The following TPRX1 variants were observed in gnomAD, a reference collection of about 807,000 sequenced individuals.
The protein encoded by TPRX1 is tetrapeptide repeat homeobox 1.
A neutral mutation model predicts 8.1 loss-of-function variants in TPRX1; 2 were observed. That is an observed-to-expected ratio of 0.25 (90% CI 0.10 to 0.78). The LOEUF (loss-of-function observed/expected upper bound fraction) is 0.78, where lower values mean the gene tolerates loss of function less well. TPRX1 is among the 30% of genes least tolerant of loss of function. The pLI is 0.70. For synonymous variants in TPRX1, 257 were observed against 254.1 expected (o/e 1.01, Z -0.11); for missense variants, 517 against 586.9 (o/e 0.88, Z 1.23).
intron 2 of TPRX1, among the ~76,000 whole-genome samples, chr19:47,806,842 A>T (rs1287684232): frequency 1.3e-5 from 2 of 152,156 alleles, no homozygotes; most frequent in Non-Finnish European, 2.9e-5. Flanking sequence ...GGGACGGTGA[A>T]AAATGTTCTA....
exon 4 of TPRX1, chr19:47,802,251 G>A (rs777806509): frequency 1.3e-6 from 2 of 1,597,682 alleles, no homozygotes; most frequent in Admixed American, 3.5e-5. Flanking sequence ...CCTGGGATTG[G>A]GCCTGGGATC....
At chr19:47,810,076 G>A (rs1015608944) in intron 2 of TPRX1, among the ~76,000 whole-genome samples, 1 of 151,436 alleles carries the variant, frequency 6.6e-6, no homozygotes, top group African/African-American at 2.4e-5. Flanking sequence ...CCAACATGGC[G>A]AAACCCTGTC....
intron 2 of TPRX1, among the ~76,000 whole-genome samples, chr19:47,806,637 T>C (rs1453025401): frequency 1.3e-5 from 2 of 152,336 alleles, no homozygotes; most frequent in East Asian, 3.9e-4. Context: ...TGATACGTGC[T>C]ACAACATGGA....
At chr19:47,818,508 C>T (rs772447127) in exon 2 of TPRX1, 1 of 456,094 alleles carries the variant, frequency 2.2e-6, no homozygotes, top group South Asian at 1.5e-5. Flanking sequence ...GGGAATACAG[C>T]TGAGAACAAG....
At chr19:47,809,465 T>G (rs1967763202) in intron 2 of TPRX1, among the ~76,000 whole-genome samples, 1 of 152,026 alleles carries the variant, frequency 6.6e-6, no homozygotes, top group Non-Finnish European at 1.5e-5. Context: ...GTATTTTTTG[T>G]AGAGACGGGG....
chr19:47,805,908 G>A (rs990685175), intron 2 of TPRX1, among the ~76,000 whole-genome samples: 5 of 152,182 alleles, frequency 3.3e-5, no homozygotes, highest in Admixed American at 6.6e-5. Context: ...TGAAAACATC[G>A]ATCCACTGAT....
Position 47,811,496 on chromosome 19 carries a change from C to CTT in TPRX1, c.151+6970_151+6971dup, listed in dbSNP as rs34677329. 5.6e-3 allele frequency among the ~76,000 whole-genome samples: 661 copies of CTT among 118,468 alleles called. 15 individuals carry two copies. The highest frequency in any genetic ancestry group is 0.016 in the African/African-American group (498 of 31,280). 77.7% of individuals were successfully genotyped at this position (118,468 alleles called of 152,430 possible). ...TTGGCTGAGACCATGTTCATGGCAA[C>CTT]TTTTTTTTTTTTTTTTTTTTGAGAC... is the stretch of plus-strand genomic sequence containing the variant. On this transcript the variant is annotated intron_variant, in intron 2 of 3. Transcript: ENST00000535759.
rs192890165 is a variant in TPRX1 at position 47,804,502 on chromosome 19, T to C, written c.152-829A>G. On this transcript the variant is annotated intron_variant, in intron 2 of 3. Coordinates refer to ENST00000535759, the Ensembl canonical transcript of TPRX1. ...GATCAGCCCAGACCCCTCACACCTC[T>C]GTCCCCGCTCACCTTGGAGATGACC... Among the ~76,000 whole-genome samples, 8 of 152,342 alleles carry C rather than the reference T, an allele frequency of 5.3e-5. No homozygotes were observed. The highest frequency in any genetic ancestry group is 1.9e-4 in the African/African-American group (8 of 41,592).
intron 2 of TPRX1, among the ~76,000 whole-genome samples, chr19:47,808,510 G>T (rs1457009794): frequency 6.6e-6 from 1 of 151,726 alleles, no homozygotes; most frequent in Non-Finnish European, 1.5e-5. Context: ...GCAGATATCG[G>T]CTCACTGCAA....
At chr19:47,815,400 A>T (rs1283997332) in intron 2 of TPRX1, among the ~76,000 whole-genome samples, 2 of 137,464 alleles carry the variant, frequency 1.5e-5, no homozygotes, top group African/African-American at 5.3e-5. Flanking sequence ...TGATCCACCC[A>T]CCTTGGCCTC....
exon 4 of TPRX1, chr19:47,802,751 C>T: frequency 6.2e-7 from 1 of 1,605,394 alleles, no homozygotes; most frequent in Non-Finnish European, 8.5e-7. Flanking sequence ...AGCTGGGATG[C>T]CCTTCTGGGC....
intron 2 of TPRX1, among the ~76,000 whole-genome samples, chr19:47,814,188 T>C (rs1275780869): frequency 2.0e-5 from 3 of 151,628 alleles, no homozygotes; most frequent in Non-Finnish European, 4.4e-5. Flanking sequence ...TCCCAATAGC[T>C]GGGAATACAG....
chr19:47,802,804 C>G (rs760804536), exon 4 of TPRX1: 21 of 1,601,230 alleles, frequency 1.3e-5, no homozygotes, highest in Non-Finnish European at 1.7e-5. Context: ...GGCTGCAGAT[C>G]GTGGGTTCCG....
At chr19:47,806,257 G>T (rs576032288) in intron 2 of TPRX1, among the ~76,000 whole-genome samples, 1 of 151,468 alleles carries the variant, frequency 6.6e-6, no homozygotes, top group African/African-American at 2.4e-5. Context: ...GGTGGCTCAC[G>T]CCTGTAATCC....
At chr19:47,804,574 T>C (rs1330814531) in intron 2 of TPRX1, among the ~76,000 whole-genome samples, 23 bp from the exon 1 acceptor site, 1 of 152,222 alleles carries the variant, frequency 6.6e-6, no homozygotes, top group Non-Finnish European at 1.5e-5. Context: ...CACAAGTGTG[T>C]ACTGACAAGG....
Position 47,818,332 on chromosome 19 carries a change from TC to T in TPRX1, c.151+135del, listed in dbSNP as rs1304235190. ...CATCACCCATCCATCCATCCATCCA[TC>T]CATCCATCATCCATCCATCCATCCA... is the stretch of plus-strand genomic sequence containing the variant. On this transcript the variant is annotated intron_variant, in intron 2 of 3. Coordinates refer to ENST00000535759, the Ensembl canonical transcript of TPRX1. 1,019 of 306,396 alleles carry T rather than the reference TC, an allele frequency of 3.3e-3. 62 individuals are homozygous for T. The African/African-American group carries it at 0.038, about 11-fold the overall frequency. The allele number at this position is 306,396 out of a possible 1,614,324, so 19.0% of individuals were successfully genotyped here. A position where few individuals can be genotyped will look rare whatever the true frequency, so the allele number is the denominator to read the frequency against.
At chr19:47,808,314 T>C (rs189002884) in intron 2 of TPRX1, among the ~76,000 whole-genome samples, 3 of 152,040 alleles carry the variant, frequency 2.0e-5, no homozygotes, top group East Asian at 3.9e-4. Context: ...GGGGTTTCAC[T>C]GTGTTGTCCA....
At chr19:47,814,334 T>C (rs71363779) in intron 2 of TPRX1, among the ~76,000 whole-genome samples, 2 of 151,894 alleles carry the variant, frequency 1.3e-5, no homozygotes, top group Non-Finnish European at 2.9e-5. Context: ...GGATTACAGG[T>C]GTGAGCCACA....
intron 2 of TPRX1, among the ~76,000 whole-genome samples, chr19:47,807,331 C>T (rs1230391845): frequency 6.6e-6 from 1 of 152,178 alleles, no homozygotes; most frequent in East Asian, 1.9e-4. Flanking sequence ...ACTGATATTA[C>T]AGGCGTGAAC....
Sources: gnomAD v4.1 joint callset for allele counts (sites outside exome capture counted in the v4.1 genomes callset) on GRCh38, gnomAD v4.1.1 for gene constraint, MANE v1.5 for transcripts, NCBI Gene and HGNC (gene_info 2026-07-23, HGNC 2026-07-21) for gene names.